Variants in AKT3 observed in about 807,000 individuals in gnomAD.
The protein encoded by AKT3 is RAC-gamma serine/threonine-protein kinase.
AKT3 carries 15 observed loss-of-function variants against 65.3 expected under a neutral mutation model. The observed-to-expected ratio is 0.23, with a 90% confidence interval of 0.15 to 0.35. The LOEUF is 0.35. AKT3 is among the 10% of genes least tolerant of loss of function. The pLI is 1.00. For synonymous variants in AKT3, 206 were observed against 183.8 expected (o/e 1.12, Z -0.98); for missense variants, 243 against 576.5 (o/e 0.42, Z 5.92).
At chr1:243,849,785 T>C (rs1396624492) in intron 1 of AKT3, among the ~76,000 whole-genome samples, 8 of 151,140 alleles carry the variant, frequency 5.3e-5, no homozygotes, top group Non-Finnish European at 1.2e-4. Context: ...CCCCCCAGCT[T>C]TCCCCGGAAA....
intron 4 of AKT3, among the ~76,000 whole-genome samples, chr1:243,652,790 A>AAAAAAAC (rs1681469589): frequency 1.3e-5 from 2 of 149,780 alleles, no homozygotes; most frequent in Non-Finnish European, 3.0e-5. Context: ...AAAAAAAAAA[A>AAAAAAAC]AAAGCAGGAG....
At chr1:243,496,577 G>A (rs1284490870), downstream of AKT3, among the ~76,000 whole-genome samples, 1 of 152,234 alleles carries the variant, frequency 6.6e-6, no homozygotes, top group Non-Finnish European at 1.5e-5. Flanking sequence ...CCTTCAGAAG[G>A]GTTGGCTAGA....
chr1:243,650,360 T>G (rs1459432845), intron 4 of AKT3, among the ~76,000 whole-genome samples: 1 of 152,256 alleles, frequency 6.6e-6, no homozygotes, highest in Non-Finnish European at 1.5e-5. Flanking sequence ...GTAGGCTGCC[T>G]GTTCTCTCTG....
chr1:243,758,708 A>G (rs1490086476), intron 2 of AKT3, among the ~76,000 whole-genome samples: 1 of 152,216 alleles, frequency 6.6e-6, no homozygotes, highest in Non-Finnish European at 1.5e-5. Flanking sequence ...AGGAGCGTGC[A>G]ACCTAGATCC....
At chr1:243,547,858 A>G (rs1672782371) in intron 11 of AKT3, among the ~76,000 whole-genome samples, 1 of 152,150 alleles carries the variant, frequency 6.6e-6, no homozygotes, top group South Asian at 2.1e-4. Flanking sequence ...CCAGATCCTT[A>G]TAGAATTCTC....
At chr1:243,520,386 T>C (rs1197315308) in intron 12 of AKT3, among the ~76,000 whole-genome samples, 1 of 152,218 alleles carries the variant, frequency 6.6e-6, no homozygotes, top group Non-Finnish European at 1.5e-5. Context: ...TGAATTTCTG[T>C]TGTTTAAACC....
chr1:243,578,360 G>A (rs1036797143), intron 8 of AKT3, among the ~76,000 whole-genome samples: 1 of 152,138 alleles, frequency 6.6e-6, no homozygotes. Flanking sequence ...GCCATAAAAA[G>A]GAATGAGCTC....
At chr1:243,568,895 G>A (rs2291409) in intron 9 of AKT3, among the ~76,000 whole-genome samples, 78,702 of 151,992 alleles carry the variant, frequency 0.52, 23,926 homozygotes, top group Non-Finnish European at 0.68. Flanking sequence ...ATGTAGGCCA[G>A]ACTAAATATT....
At chr1:243,600,698 T>C (rs2148573804) in intron 8 of AKT3, among the ~76,000 whole-genome samples, 1 of 152,200 alleles carries the variant, frequency 6.6e-6, no homozygotes, top group East Asian at 1.9e-4. Context: ...GCTAAAACTA[T>C]TAACACTTCT....
At chr1:243,838,780 TA>T (rs1695055469) in intron 2 of AKT3, among the ~76,000 whole-genome samples, 1 of 152,056 alleles carries the variant, frequency 6.6e-6, no homozygotes. Context: ...TCATGGAATA[TA>T]AGAAAAATAT....
intron 13 of AKT3, among the ~76,000 whole-genome samples, chr1:243,493,638 C>T (rs990402609): frequency 5.9e-5 from 9 of 151,868 alleles, no homozygotes; most frequent in African/African-American, 1.5e-4. Flanking sequence ...AAAACAGAGT[C>T]GGAAACTGAC....
intron 8 of AKT3, among the ~76,000 whole-genome samples, chr1:243,578,588 A>C (rs990098742): frequency 1.3e-5 from 2 of 152,150 alleles, no homozygotes; most frequent in African/African-American, 4.8e-5. Context: ...TGCTGAGCTT[A>C]ATACTTAAGT....
chr1:243,684,904 C>T (rs551968866), intron 3 of AKT3, among the ~76,000 whole-genome samples: 1 of 152,248 alleles, frequency 6.6e-6, no homozygotes, highest in African/African-American at 2.4e-5. Flanking sequence ...TCTCTAATGA[C>T]CAGTGATGAT....
At chr1:243,628,475 T>C (rs1300555243) in intron 6 of AKT3, among the ~76,000 whole-genome samples, 1 of 152,070 alleles carries the variant, frequency 6.6e-6, no homozygotes, top group Non-Finnish European at 1.5e-5. Context: ...AATTTTTATT[T>C]TTTGTAGAGA....
chr1:243,535,540 G>A (rs1671867652), intron 12 of AKT3, among the ~76,000 whole-genome samples: 1 of 152,182 alleles, frequency 6.6e-6, no homozygotes, highest in African/African-American at 2.4e-5. Flanking sequence ...ATATGCTGCA[G>A]AATACATTAT....
chr1:243,628,102 G>T (rs757198380), intron 6 of AKT3, among the ~76,000 whole-genome samples: 4 of 152,170 alleles, frequency 2.6e-5, no homozygotes, highest in African/African-American at 4.8e-5. Context: ...TTAGAGAGAC[G>T]ATTATTGGTT....
At chr1:243,506,170 G>A (rs141384525) in intron 13 of AKT3, among the ~76,000 whole-genome samples, 34 of 152,350 alleles carry the variant, frequency 2.2e-4, no homozygotes, top group African/African-American at 7.2e-4. Flanking sequence ...CTGAGCACCC[G>A]TCAGGCCCAA....
intron 2 of AKT3, among the ~76,000 whole-genome samples, chr1:243,801,164 G>A (rs1415165368): frequency 6.6e-6 from 1 of 152,030 alleles, no homozygotes; most frequent in Non-Finnish European, 1.5e-5. Context: ...AAAATATAAG[G>A]TATGTTATCT....
intron 2 of AKT3, among the ~76,000 whole-genome samples, chr1:243,825,189 G>C (rs758804279): frequency 6.6e-6 from 1 of 152,178 alleles, no homozygotes; most frequent in Non-Finnish European, 1.5e-5. Flanking sequence ...ACTTCTAAGT[G>C]GGAGCTGAAC....
Sources: gnomAD v4.1 joint callset for allele counts (sites outside exome capture counted in the v4.1 genomes callset) on GRCh38, gnomAD v4.1.1 for gene constraint, MANE v1.5 for transcripts, NCBI Gene and HGNC (gene_info 2026-07-23, HGNC 2026-07-21) for gene names.